ST3GAL5: variants seen among roughly 807,000 people sequenced by gnomAD.
The protein encoded by ST3GAL5 is lactosylceramide alpha-2,3-sialyltransferase.
Under a neutral mutation model 46.1 loss-of-function variants are expected in ST3GAL5, and 25 were observed. The ratio of observed to expected loss-of-function variants is 0.54; its 90% CI spans 0.40 to 0.76. ST3GAL5 has a LOEUF of 0.76. Among genes scored for constraint, ST3GAL5 ranks in the 30% least tolerant of loss-of-function variants. The pLI, the probability that ST3GAL5 is intolerant of heterozygous loss-of-function variation, is 0.00. For missense variants in ST3GAL5, 431 were observed against 521.2 expected (o/e 0.83, Z 1.69); for synonymous variants, 182 against 192.7 (o/e 0.94, Z 0.46).
chr2:85,868,892 T>C (rs916521124), intron 1 of ST3GAL5, among the ~76,000 whole-genome samples: 28 of 152,228 alleles, frequency 1.8e-4, no homozygotes, highest in African/African-American at 6.7e-4. Flanking sequence ...GTGCTGGGAT[T>C]ACAGGCGTGA....
intron 3 of ST3GAL5, chr2:85,852,817 T>G: frequency 8.1e-7 from 1 of 1,232,052 alleles, no homozygotes; most frequent in Non-Finnish European, 1.1e-6. Flanking sequence ...GCGTCGTCTT[T>G]GTTAAAGCAT....
chr2:85,848,005 GT>G lies in ST3GAL5; in HGVS notation c.517del (p.Thr173ProfsTer15). ...GTGCTCTGGCAAGAGTTCCAAGAGG[GT>G]CTGGACTTTACTGGAGAACTTCCGG... is the stretch of plus-strand genomic sequence containing the variant. ...GFRKFSSKVQTLLELLPEHDL... is the reference protein window; with the variant it reads ...GFRKFSSKVQXLLELLPEHDL... On this transcript the variant is annotated frameshift_variant, in exon 4 of 7. Transcript: ENST00000638572. LOFTEE classifies it high-confidence loss of function. 6.2e-7 allele frequency: 1 copy of G among 1,614,130 alleles called. No individual in the cohort carries two copies. The highest frequency in any genetic ancestry group is 1.7e-5 in the Admixed American group (1 of 59,998).
chr2:85,840,116 T>G lies in ST3GAL5; in HGVS notation c.*28A>C, dbSNP rs778190858. 5.0e-6 allele frequency: 8 copies of G among 1,613,956 alleles called. No homozygotes were observed. The highest frequency in any genetic ancestry group is 4.0e-5 in the African/African-American group (3 of 74,868). On this transcript the variant is annotated 3_prime_UTR_variant, in exon 7 of 7. Coordinates refer to ENST00000638572, the MANE Select transcript of ST3GAL5 (RefSeq NM_003896.4). Reference sequence around the variant, plus strand: ...TCAAAAACAGCTCTCAGAGTTAGAGTTGCATTTTCAACTGAGGTTTTCTGT... The same window carrying G: ...TCAAAAACAGCTCTCAGAGTTAGAGGTGCATTTTCAACTGAGGTTTTCTGT...
chr2:85,882,470 T>C (rs1011665724), intron 1 of ST3GAL5, among the ~76,000 whole-genome samples: 19 of 152,136 alleles, frequency 1.2e-4, no homozygotes, highest in Non-Finnish European at 2.2e-4. Flanking sequence ...CCCAAGACCA[T>C]GGAAACTTAC....
rs1327005244 is a variant in ST3GAL5 at position 85,840,381 on chromosome 2, T to C, written c.1020A>G (p.Thr340=). Residue 340 remains threonine (T), a synonymous_variant, in exon 7 of 7, where the codon ACA becomes ACG. Coordinates refer to ENST00000638572, the MANE Select transcript of ST3GAL5 (RefSeq NM_003896.4). ...CTAAGACAACGGCAATGACACCGAT[T>C]GTGGGGACGTTCTGAGAAAGGGAAA... ...RFWGRDKNVP[T]IGVIAVVLAT... is the part of the protein sequence containing the mutation. The C allele has an allele frequency of 1.2e-6, 2 of 1,613,970 alleles. No individual in the cohort carries two copies. Among genetic ancestry groups the C allele is most frequent in the African/African-American group, 2.7e-5 (2 of 74,894 alleles).
intron 6 of ST3GAL5, among the ~76,000 whole-genome samples, chr2:85,842,911 C>A (rs957271554): frequency 2.0e-5 from 3 of 152,082 alleles, no homozygotes; most frequent in Admixed American, 2.0e-4. Flanking sequence ...CAGGCACGCG[C>A]CACCACGCCT....
intron 3 of ST3GAL5, chr2:85,851,300 T>C: frequency 8.7e-7 from 1 of 1,143,982 alleles, no homozygotes; most frequent in East Asian, 6.0e-5. Context: ...TAAGTGACAG[T>C]GGATGCAGTA....
chr2:85,847,206 C>T (rs1367685668), intron 4 of ST3GAL5, among the ~76,000 whole-genome samples: 2 of 152,150 alleles, frequency 1.3e-5, no homozygotes, highest in Non-Finnish European at 2.9e-5. Flanking sequence ...GCCAGCACTG[C>T]CTTCCAGGAC....
intron 1 of ST3GAL5, among the ~76,000 whole-genome samples, chr2:85,885,333 G>C (rs146470930): frequency 0.014 from 2,206 of 152,298 alleles, 15 homozygotes; most frequent in Non-Finnish European, 0.023. Context: ...GGGGAGCTAA[G>C]GGTTCCTCAC....
At chr2:85,886,501 C>T (rs1443674666) in intron 1 of ST3GAL5, among the ~76,000 whole-genome samples, 1 of 151,532 alleles carries the variant, frequency 6.6e-6, no homozygotes, top group Non-Finnish European at 1.5e-5. Context: ...TTGAGCAGGA[C>T]ACTTATGGTA....
At chr2:85,862,123 A>G (rs190782585) in intron 2 of ST3GAL5, among the ~76,000 whole-genome samples, 167 of 152,326 alleles carry the variant, frequency 1.1e-3, no homozygotes, top group Non-Finnish European at 2.0e-3. Flanking sequence ...TGAGAATACA[A>G]TGAAGTGTTG....
At chr2:85,871,006 T>C (rs1685862299) in intron 1 of ST3GAL5, among the ~76,000 whole-genome samples, 1 of 151,868 alleles carries the variant, frequency 6.6e-6, no homozygotes, top group African/African-American at 2.4e-5. Context: ...CAAATCAGGG[T>C]AATTAGGATA....
chr2:85,887,903 C>G (rs1050646127), intron 1 of ST3GAL5: 2 of 152,216 alleles, frequency 1.3e-5, no homozygotes, highest in African/African-American at 2.4e-5. Flanking sequence ...TGAAGCGCAG[C>G]ACATAAAACC....
chr2:85,889,003 T>TC, upstream of ST3GAL5: 1 of 941,806 alleles, frequency 1.1e-6, no homozygotes, highest in Non-Finnish European at 1.4e-6. Context: ...GGGCCGCCGC[T>TC]CCCCCGCTCA....
intron 1 of ST3GAL5, among the ~76,000 whole-genome samples, chr2:85,868,298 T>TTA (rs1369841072): frequency 1.3e-5 from 2 of 152,184 alleles, no homozygotes; most frequent in Non-Finnish European, 2.9e-5. Context: ...TCAATAGCAA[T>TTA]TATACTTTTG....
chr2:85,851,305 G>A (rs574876774), intron 3 of ST3GAL5: 2 of 1,151,092 alleles, frequency 1.7e-6, no homozygotes, highest in Admixed American at 7.4e-5. Context: ...GACAGTGGAT[G>A]CAGTAGTAAA....
rs3202465 is a variant in ST3GAL5, at chr2:85,839,226, G to A, written c.*918C>T. On this transcript the variant is annotated 3_prime_UTR_variant, in exon 7 of 7. Coordinates refer to ENST00000638572, the MANE Select transcript of ST3GAL5 (RefSeq NM_003896.4). ...GTATACACCGCCAGGTAGGCATTCA[G>A]AAAAGTTTCTTTTTTTTAAATACAC... 6.6e-6 allele frequency: 1 copy of A among 152,198 alleles called. No individual in the cohort carries two copies. Among genetic ancestry groups the A allele is most frequent in the African/African-American group, 2.4e-5 (1 of 41,456 alleles). The allele number at this position is 152,198 out of a possible 1,614,324, so 9.4% of individuals were successfully genotyped here. A position where few individuals can be genotyped will look rare whatever the true frequency, so the allele number is the denominator to read the frequency against.
At position 85,853,433 on chromosome 2, in the gene ST3GAL5, C is replaced by T. The variant is rs1247308006; in HGVS notation, c.319-5229G>A. On this transcript the variant is annotated intron_variant, in intron 3 of 6. Coordinates refer to ENST00000638572, the MANE Select transcript of ST3GAL5 (RefSeq NM_003896.4). ...AGGGTCCCACTCACACTGTGGGCTG[C>T]TGAGTGGAACCAACAGAGCTAACAG... is the stretch of plus-strand genomic sequence containing the variant. The T allele has an allele frequency of 3.5e-5, 9 of 259,742 alleles. No homozygotes were observed. The East Asian group carries it at 8.7e-4, about 25-fold the overall frequency. The allele number at this position is 259,742 out of a possible 1,614,324, so 16.1% of individuals were successfully genotyped here. A position where few individuals can be genotyped will look rare whatever the true frequency, so the allele number is the denominator to read the frequency against.
At position 85,839,690 on chromosome 2, in the gene ST3GAL5, G is replaced by A. The variant is rs1016916190; in HGVS notation, c.*454C>T. ...TATCAGCAGCAGAGCTACGGAGCACGTCATCCTGGGAGTGGATCCTCCGTG... is the reference window on the plus strand; with the variant it reads ...TATCAGCAGCAGAGCTACGGAGCACATCATCCTGGGAGTGGATCCTCCGTG... On this transcript the variant is annotated 3_prime_UTR_variant, in exon 7 of 7. Transcript: ENST00000638572. The A allele has an allele frequency of 1.1e-5, 3 of 270,086 alleles. No homozygotes were observed. Among genetic ancestry groups the A allele is most frequent in the African/African-American group, 2.3e-5 (1 of 44,246 alleles). The allele number at this position is 270,086 out of a possible 1,614,324, so 16.7% of individuals were successfully genotyped here.
Sources: allele counts gnomAD v4.1 joint callset (sites outside exome capture counted in the v4.1 genomes callset), GRCh38; gene constraint gnomAD v4.1.1; transcripts MANE v1.5; gene names NCBI Gene and HGNC (gene_info 2026-07-23, HGNC 2026-07-21).